The following NXN variants were observed in gnomAD, a reference collection of about 807,000 sequenced individuals.
The protein encoded by NXN is nucleoredoxin.
Under a neutral mutation model 48.6 loss-of-function variants are expected in NXN, and 16 were observed. The ratio of observed to expected loss-of-function variants is 0.33; its 90% confidence interval spans 0.22 to 0.50. The LOEUF is 0.50. Ranked by LOEUF, NXN falls within the 20% of genes least tolerant of loss-of-function variation. The pLI is 0.98. For missense variants in NXN, 492 were observed against 605.5 expected (o/e 0.81, Z 1.97); for synonymous variants, 281 against 269.6 (o/e 1.04, Z -0.41).
At chr17:803,895 C>T in intron 6 of NXN, 89 bp from the exon 7 acceptor site, 1 of 1,553,306 alleles carries the variant, frequency 6.4e-7, no homozygotes, top group South Asian at 1.1e-5. Flanking sequence ...GCCTGAGCTG[C>T]AGAAACGCCC....
At chr17:879,715 C>T (rs1190035534) in intron 1 of NXN, among the ~76,000 whole-genome samples, 1 of 152,150 alleles carries the variant, frequency 6.6e-6, no homozygotes, top group Non-Finnish European at 1.5e-5. Context: ...GTTTGGCGGG[C>T]GTCACCTTTC....
Position 914,725 on chromosome 17 carries a change from G to A in NXN, c.360+64594C>T, listed in dbSNP as rs935560257. ...TCCATTGAGTGAGGTCATTAACTCA[G>A]CAAGCGAGTTAACAGGGAGCGTACC... On this transcript the variant is annotated intron_variant, in intron 1 of 7. Transcript: ENST00000336868. 3.9e-5 allele frequency among the ~76,000 whole-genome samples: 6 copies of A among 152,288 alleles called. No homozygotes were observed. In the East Asian group the frequency reaches 7.7e-4, roughly 20 times the overall value.
At chr17:879,267 T>G (rs1481776294) in intron 1 of NXN, among the ~76,000 whole-genome samples, 7 of 122,380 alleles carry the variant, frequency 5.7e-5, no homozygotes, top group Non-Finnish European at 1.2e-4. Flanking sequence ...TTTTTTGTTT[T>G]GGTTTGGTTT....
intron 1 of NXN, among the ~76,000 whole-genome samples, chr17:908,727 G>A (rs6598832): frequency 0.54 from 82,306 of 151,582 alleles, 22,717 homozygotes; most frequent in Admixed American, 0.66. Flanking sequence ...AAAAATTCAA[G>A]ACTACAGGTG....
At chr17:953,760 A>AC (rs988732446) in intron 1 of NXN, among the ~76,000 whole-genome samples, 40 of 150,634 alleles carry the variant, frequency 2.7e-4, no homozygotes, top group African/African-American at 9.0e-4. Flanking sequence ...ACATAGTGAG[A>AC]CCCCCATCTC....
chr17:814,603 A>G (rs1912365014), intron 5 of NXN, among the ~76,000 whole-genome samples: 1 of 152,038 alleles, frequency 6.6e-6, no homozygotes, highest in Admixed American at 6.5e-5. Context: ...ACGTCATCAC[A>G]CTCCGCTCCT....
In NXN at chr17:979,748, C is replaced by G; in HGVS notation, c.-70G>C. 3 of 1,213,756 alleles carry G rather than the reference C, an allele frequency of 2.5e-6. No homozygotes were observed. The highest frequency in any genetic ancestry group is 4.8e-5 in the South Asian group (2 of 41,400). 75.2% of individuals were successfully genotyped at this position (1,213,756 alleles called of 1,614,324 possible). A position where few individuals can be genotyped will look rare whatever the true frequency, so the allele number is the denominator to read the frequency against. On this transcript the variant is annotated 5_prime_UTR_variant, in exon 1 of 8. Coordinates refer to ENST00000336868, the MANE Select transcript of NXN (RefSeq NM_022463.5). ...CGGTCCGCGCGGCGGGAGGAGGCGGCGGCGTCGGCGGCAGGCGCTGGGGAG... is the reference window on the plus strand; with the variant it reads ...CGGTCCGCGCGGCGGGAGGAGGCGGGGGCGTCGGCGGCAGGCGCTGGGGAG...
At position 886,544 on chromosome 17, in the gene NXN, A is replaced by G. The variant is rs113699485; in HGVS notation, c.361-60466T>C. 1.4e-4 allele frequency among the ~76,000 whole-genome samples: 22 copies of G among 152,304 alleles called. No individual in the cohort carries two copies. In the East Asian group the frequency reaches 2.5e-3, roughly 17 times the overall value. ...GGAATCCCAGCACTTTGGAAGGCCA[A>G]TGTGGGTGGATCACCTGAGGTCAGG... On this transcript the variant is annotated intron_variant, in intron 1 of 7. Coordinates refer to ENST00000336868, the MANE Select transcript of NXN (RefSeq NM_022463.5).
rs183886305 is a variant in NXN at position 834,764 on chromosome 17, G to T, written c.361-8686C>A. Among the ~76,000 whole-genome samples the T allele has an allele frequency of 5.2e-3, 796 of 151,780 alleles. 7 individuals are homozygous for T. Among genetic ancestry groups the T allele is most frequent in the African/African-American group, 0.018 (759 of 41,398 alleles). On this transcript the variant is annotated intron_variant, in intron 1 of 7. Transcript: ENST00000336868. ...CGAACCTCCTGACCTCAAGTGATCT[G>T]CCCGCCTTGGCCTCCCAAAGTGCTG...
rs112986827 is a variant in NXN at position 959,093 on chromosome 17, C to T, written c.360+20226G>A. 4.6e-3 allele frequency: 1,496 copies of T among 323,102 alleles called. 25 individuals carry two copies. The highest frequency in any genetic ancestry group is 0.032 in the East Asian group (593 of 18,374). 20.0% of individuals were successfully genotyped at this position (323,102 alleles called of 1,614,324 possible). A position where few individuals can be genotyped will look rare whatever the true frequency, so the allele number is the denominator to read the frequency against. On this transcript the variant is annotated intron_variant, in intron 1 of 7. Coordinates refer to ENST00000336868, the MANE Select transcript of NXN (RefSeq NM_022463.5). Reference sequence around the variant, plus strand: ...TCATCACGGGCGGTGTGGCTGGAGGCGCGTCGACCTGATGTATGGCCAGGA... The same window carrying T: ...TCATCACGGGCGGTGTGGCTGGAGGTGCGTCGACCTGATGTATGGCCAGGA...
At chr17:899,762 C>T (rs1180131672) in intron 1 of NXN, among the ~76,000 whole-genome samples, 4 of 152,040 alleles carry the variant, frequency 2.6e-5, no homozygotes, top group East Asian at 1.9e-4. Context: ...CGGTGGTGCA[C>T]GCCTGTAGTC....
intron 1 of NXN, among the ~76,000 whole-genome samples, chr17:934,173 C>A (rs541199163): frequency 6.6e-6 from 1 of 151,820 alleles, no homozygotes; most frequent in South Asian, 2.1e-4. Context: ...AGGCCGGGCG[C>A]GGTGGCTCAC....
chr17:865,319 C>T (rs146119574), intron 1 of NXN, among the ~76,000 whole-genome samples: 3 of 152,064 alleles, frequency 2.0e-5, no homozygotes, highest in East Asian at 2.0e-4. Flanking sequence ...CTTGGCTCAC[C>T]GCAACCTCTG....
intron 5 of NXN, among the ~76,000 whole-genome samples, chr17:813,555 A>C (rs371247683): frequency 4.6e-5 from 7 of 152,376 alleles, no homozygotes; most frequent in East Asian, 1.9e-4. Flanking sequence ...ATCTTTCAAA[A>C]CTAGGAGGAT....
At chr17:975,774 G>A (rs2069450787) in intron 1 of NXN, among the ~76,000 whole-genome samples, 1 of 152,194 alleles carries the variant, frequency 6.6e-6, no homozygotes, top group African/African-American at 2.4e-5. Context: ...CTTCTATGAG[G>A]CTGAAGTGGA....
chr17:880,188 C>T (rs777677735), intron 1 of NXN: 23 of 152,148 alleles, frequency 1.5e-4, no homozygotes, highest in Non-Finnish European at 2.5e-4. Context: ...TCCTGGTCCC[C>T]GGAGACAACA....
chr17:913,044 C>T (rs868705844), intron 1 of NXN, among the ~76,000 whole-genome samples: 1 of 152,188 alleles, frequency 6.6e-6, no homozygotes, highest in African/African-American at 2.4e-5. Context: ...TATCTTTTCT[C>T]ACCCTAGGGT....
chr17:860,683 C>T (rs915094159), intron 1 of NXN, among the ~76,000 whole-genome samples: 1 of 152,308 alleles, frequency 6.6e-6, no homozygotes, highest in African/African-American at 2.4e-5. Flanking sequence ...CGTGAGCCGC[C>T]GCGCCCGGCC....
chr17:835,199 T>A (rs1347904503), intron 1 of NXN, among the ~76,000 whole-genome samples: 1 of 150,266 alleles, frequency 6.7e-6, no homozygotes, highest in Admixed American at 6.6e-5. Flanking sequence ...TCCCAGCTAC[T>A]CGGGAGGCTG....
Sources: allele counts gnomAD v4.1 joint callset (sites outside exome capture counted in the v4.1 genomes callset), GRCh38; gene constraint gnomAD v4.1.1; transcripts MANE v1.5; gene names NCBI Gene and HGNC (gene_info 2026-07-23, HGNC 2026-07-21).